The following TMEM184B variants were observed in gnomAD, a reference collection of about 807,000 sequenced individuals.
The protein encoded by TMEM184B is transmembrane protein 184B.
A neutral mutation model predicts 41.8 loss-of-function variants in TMEM184B; 17 were observed. The observed-to-expected ratio is 0.41, with a 90% CI of 0.28 to 0.61. The LOEUF (loss-of-function observed/expected upper bound fraction) is 0.61, where lower values mean the gene tolerates loss of function less well. Among genes scored for constraint, TMEM184B ranks in the 20% least tolerant of loss-of-function variants. The probability of loss-of-function intolerance (pLI) is 0.34; values close to 1 mark genes in which losing one functional copy is unlikely to be tolerated. For missense variants in TMEM184B, 393 were observed against 557.8 expected, an observed-to-expected ratio of 0.70 and a Z score of 2.98; for synonymous variants, 240 against 229.5, an observed-to-expected ratio of 1.05 and a Z score of -0.41.
chr22:38,217,067 C>T (rs992508208), downstream of TMEM184B, among the ~76,000 whole-genome samples: 1 of 152,110 alleles, frequency 6.6e-6, no homozygotes, highest in African/African-American at 2.4e-5. Flanking sequence ...TGGCTCACAC[C>T]TGTAATCCCA....
intron 1 of TMEM184B, among the ~76,000 whole-genome samples, chr22:38,258,635 G>C (rs2092322956): frequency 6.6e-6 from 1 of 152,090 alleles, no homozygotes; most frequent in African/African-American, 2.4e-5. Context: ...TATGCTGCTA[G>C]ACACAGTGAC....
chr22:38,231,218 G>A, intron 4 of TMEM184B, 26 bp downstream of exon 4: 2 of 1,603,970 alleles, frequency 1.2e-6, no homozygotes, highest in Non-Finnish European at 1.7e-6. Flanking sequence ...GGGTGGTTTA[G>A]GGCTCTGGGA....
At chr22:38,246,788 T>C in intron 2 of TMEM184B, 3 of 1,237,456 alleles carry the variant, frequency 2.4e-6, no homozygotes, top group South Asian at 2.8e-5. Flanking sequence ...TACACACAAA[T>C]GCCAAGAGCT....
intron 1 of TMEM184B, among the ~76,000 whole-genome samples, chr22:38,263,802 G>A (rs1459796818): frequency 2.0e-5 from 3 of 152,142 alleles, no homozygotes; most frequent in African/African-American, 7.2e-5. Context: ...TAGAAAATAT[G>A]TAGGTTTCTG....
intron 2 of TMEM184B, among the ~76,000 whole-genome samples, chr22:38,247,115 G>A (rs759804992): frequency 5.3e-5 from 8 of 152,114 alleles, no homozygotes; most frequent in Non-Finnish European, 4.4e-5. Flanking sequence ...ACAGGCAGAC[G>A]GGAGACTTGA....
chr22:38,247,273 G>C (rs913009392), intron 2 of TMEM184B, among the ~76,000 whole-genome samples: 3 of 152,224 alleles, frequency 2.0e-5, no homozygotes, highest in Non-Finnish European at 4.4e-5. Context: ...GGCTGGACAC[G>C]AGACTAGTTC....
intron 1 of TMEM184B, among the ~76,000 whole-genome samples, chr22:38,261,235 T>C (rs1443594418): frequency 6.6e-6 from 1 of 152,124 alleles, no homozygotes; most frequent in Non-Finnish European, 1.5e-5. Flanking sequence ...GCCTGGCCCT[T>C]CTCCAGAGGG....
Position 38,225,724 on chromosome 22 carries a change from G to T in TMEM184B, c.618-131C>A. 3.0e-6 allele frequency: 3 copies of T among 1,002,494 alleles called. No individual in the cohort carries two copies. The highest frequency in any genetic ancestry group is 4.1e-6 in the Non-Finnish European group (3 of 724,118). 62.1% of individuals were successfully genotyped at this position (1,002,494 alleles called of 1,614,324 possible). A position where few individuals can be genotyped will look rare whatever the true frequency, so the allele number is the denominator to read the frequency against. On this transcript the variant is annotated intron_variant, in intron 6 of 8. Coordinates refer to ENST00000361906, the MANE Select transcript of TMEM184B (RefSeq NM_012264.5). The surrounding 1 kb of genome is among the most constrained non-coding windows in gnomAD (Gnocchi z 4.4). ...AGCAGAGCTCAACGAGCCACTGAAGGGGTCAGAATGGGTGATCAAAGCGAC... is the reference window on the plus strand; with the variant it reads ...AGCAGAGCTCAACGAGCCACTGAAGTGGTCAGAATGGGTGATCAAAGCGAC...
At chr22:38,243,317 AG>A (rs1176455427) in intron 3 of TMEM184B, among the ~76,000 whole-genome samples, 12 of 152,108 alleles carry the variant, frequency 7.9e-5, no homozygotes, top group Admixed American at 6.5e-4. Flanking sequence ...ACGGAGTGAG[AG>A]TGAAGCGGAG....
intron 1 of TMEM184B, among the ~76,000 whole-genome samples, chr22:38,252,035 A>G (rs2145720132): frequency 6.6e-6 from 1 of 151,588 alleles, no homozygotes; most frequent in Middle Eastern, 3.4e-3. Flanking sequence ...AGCTGGGACC[A>G]CAGGCATGTG....
At chr22:38,250,035 T>C (rs2092127328) in intron 1 of TMEM184B, among the ~76,000 whole-genome samples, 1 of 152,222 alleles carries the variant, frequency 6.6e-6, no homozygotes, top group South Asian at 2.1e-4. Flanking sequence ...GCTCAGAGAA[T>C]GAGCGAACAC....
chr22:38,266,883 A>C (rs1410803357), intron 1 of TMEM184B, among the ~76,000 whole-genome samples: 1 of 152,186 alleles, frequency 6.6e-6, no homozygotes, highest in East Asian at 1.9e-4. Flanking sequence ...GAAGATCGAG[A>C]CCATCCTGGC....
At position 38,272,654 on chromosome 22, in the gene TMEM184B, C is replaced by T. The variant is rs374659484; in HGVS notation, c.-59+230G>A. ...CCGCCACGTTGGCGTGGAAAGGGAG[C>T]GGGCACACCCACGGGCGACCTCGCG... On this transcript the variant is annotated intron_variant, in intron 1 of 8. Transcript: ENST00000361906. 6.1e-6 allele frequency: 6 copies of T among 985,404 alleles called. No homozygotes were observed. In the South Asian group the frequency reaches 2.3e-4, roughly 39 times the overall value. The allele number at this position is 985,404 out of a possible 1,614,324, so 61.0% of individuals were successfully genotyped here. A position where few individuals can be genotyped will look rare whatever the true frequency, so the allele number is the denominator to read the frequency against.
chr22:38,249,762 C>T (rs369144602), intron 1 of TMEM184B, among the ~76,000 whole-genome samples: 3 of 152,206 alleles, frequency 2.0e-5, no homozygotes, highest in Admixed American at 2.0e-4. Context: ...AAGGCAGGAG[C>T]CTGGCTGCAC....
intron 4 of TMEM184B, 120 bp from the exon 5 acceptor site, chr22:38,230,864 A>G: frequency 1.0e-6 from 1 of 982,572 alleles, no homozygotes; most frequent in Admixed American, 2.0e-5. Context: ...CATTCTGGGC[A>G]GACTTTGAAC....
Position 38,220,920 on chromosome 22 carries a change from G to A in TMEM184B, c.*549C>T, listed in dbSNP as rs1196655039. ...TCTGATCCTTGCAGCATGCCACAGA[G>A]GCCTGGGTCAGGAGGGGAGGACCAC... On this transcript the variant is annotated 3_prime_UTR_variant, in exon 9 of 9. Coordinates refer to ENST00000361906, the MANE Select transcript of TMEM184B (RefSeq NM_012264.5). 1 of 987,516 alleles carries A rather than the reference G, an allele frequency of 1.0e-6. No homozygotes were observed. The highest frequency in any genetic ancestry group is 1.2e-6 in the Non-Finnish European group (1 of 831,232). 61.2% of individuals were successfully genotyped at this position (987,516 alleles called of 1,614,324 possible).
chr22:38,270,141 C>G (rs554100415), intron 1 of TMEM184B, among the ~76,000 whole-genome samples: 1 of 152,312 alleles, frequency 6.6e-6, no homozygotes, highest in South Asian at 2.1e-4. Flanking sequence ...TGAGGCAGCT[C>G]AGACCTCCAC....
intron 1 of TMEM184B, among the ~76,000 whole-genome samples, chr22:38,260,319 G>A (rs565966309): frequency 1.3e-5 from 2 of 152,270 alleles, no homozygotes; most frequent in South Asian, 4.1e-4. Context: ...GCCTCCCAAA[G>A]TGCTGGGATT....
At chr22:38,268,210 A>G (rs1048080125) in intron 1 of TMEM184B, among the ~76,000 whole-genome samples, 7 of 151,910 alleles carry the variant, frequency 4.6e-5, no homozygotes, top group Non-Finnish European at 5.9e-5. Context: ...GTGAAACCCC[A>G]TCTCTACTAA....
Sources: gnomAD v4.1 joint callset for allele counts (sites outside exome capture counted in the v4.1 genomes callset) on GRCh38, gnomAD v4.1.1 for gene constraint, Gnocchi (gnomAD v3.1) non-coding constraint, MANE v1.5 for transcripts, NCBI Gene and HGNC (gene_info 2026-07-23, HGNC 2026-07-21) for gene names.